The following SCUBE1 variants were observed in gnomAD, a reference collection of about 807,000 sequenced individuals.
SCUBE1 encodes signal peptide, CUB and EGF-like domain-containing protein 1.
In SCUBE1, 59 loss-of-function variants were observed where a neutral mutation model predicts 124.4. That is an observed-to-expected ratio of 0.47 (90% CI 0.38 to 0.59). The LOEUF (loss-of-function observed/expected upper bound fraction) is 0.59, where lower values mean the gene tolerates loss of function less well. Ranked by LOEUF, SCUBE1 falls within the 20% of genes least tolerant of loss-of-function variation. SCUBE1 has a pLI of 0.00. For synonymous variants in SCUBE1, 545 were observed against 550.9 expected, an observed-to-expected ratio of 0.99 and a Z score of 0.15; for missense variants, 1,150 against 1,371.2, an observed-to-expected ratio of 0.84 and a Z score of 2.55.
At chr22:43,339,283 G>A in intron 1 of SCUBE1, 48 bp from the exon 2 acceptor site, 1 of 1,595,308 alleles carries the variant, frequency 6.3e-7, no homozygotes. Context: ...GTGGCCCCAG[G>A]GCAGGTGGCC....
At chr22:43,256,542 AG>A (rs1421955390) in intron 6 of SCUBE1, among the ~76,000 whole-genome samples, 1 of 151,914 alleles carries the variant, frequency 6.6e-6, no homozygotes, top group Non-Finnish European at 1.5e-5. Context: ...ATGAGAGGGG[AG>A]GGAAGGTGGG....
chr22:43,259,414 G>T (rs989372212), intron 5 of SCUBE1, among the ~76,000 whole-genome samples: 2 of 152,196 alleles, frequency 1.3e-5, no homozygotes, highest in African/African-American at 4.8e-5. Context: ...GACCAACTAT[G>T]GTTAGAAGGG....
intron 7 of SCUBE1, among the ~76,000 whole-genome samples, chr22:43,232,897 G>A (rs1469878913): frequency 6.6e-6 from 1 of 152,162 alleles, no homozygotes; most frequent in African/African-American, 2.4e-5. Flanking sequence ...TGCCATTAGA[G>A]GTCCCTGTCC....
At chr22:43,298,611 T>C (rs1237156897) in intron 3 of SCUBE1, among the ~76,000 whole-genome samples, 1 of 152,208 alleles carries the variant, frequency 6.6e-6, no homozygotes, top group Non-Finnish European at 1.5e-5. Context: ...TGCCGCCCCC[T>C]GCTGTGCATC....
chr22:43,247,751 G>A (rs1353698883), intron 6 of SCUBE1, among the ~76,000 whole-genome samples: 1 of 152,252 alleles, frequency 6.6e-6, no homozygotes, highest in Non-Finnish European at 1.5e-5. Flanking sequence ...GTGAGAGGGA[G>A]CCAGCGGGCA....
At chr22:43,220,350 G>T in intron 14 of SCUBE1, 100 bp downstream of exon 14, 2 of 1,346,006 alleles carry the variant, frequency 1.5e-6, no homozygotes, top group Non-Finnish European at 2.1e-6. Flanking sequence ...CTGTGCTCTG[G>T]TGGGAGCCTA....
At position 43,339,556 on chromosome 22, in the gene SCUBE1, G is replaced by A. The variant is rs962740642; in HGVS notation, c.89-321C>T. ...ACAGTGAGGAAGAACCTCCTCCTCC[G>A]TCTGTCCTACTCCCCCAACAAGCAT... On this transcript the variant is annotated intron_variant, in intron 1 of 21. Transcript: ENST00000360835. 4.0e-5 allele frequency among the ~76,000 whole-genome samples: 6 copies of A among 151,426 alleles called. No individual in the cohort carries two copies. In the East Asian group the frequency reaches 5.8e-4, roughly 15 times the overall value.
At chr22:43,256,814 C>T (rs988115835) in intron 6 of SCUBE1, among the ~76,000 whole-genome samples, 2 of 152,106 alleles carry the variant, frequency 1.3e-5, no homozygotes, top group East Asian at 1.9e-4. Flanking sequence ...AGCCCCAGGC[C>T]GGACAGTGGA....
chr22:43,211,732 C>T lies in SCUBE1; in HGVS notation c.2222-649G>A, dbSNP rs899043957. Among the ~76,000 whole-genome samples the T allele has an allele frequency of 8.5e-5, 13 of 152,082 alleles. No homozygotes were observed. Among genetic ancestry groups the T allele is most frequent in the Non-Finnish European group, 1.6e-4 (11 of 68,008 alleles). On this transcript the variant is annotated intron_variant, in intron 17 of 21. Coordinates refer to ENST00000360835, the MANE Select transcript of SCUBE1 (RefSeq NM_173050.5). The surrounding 1 kb of genome is among the most constrained non-coding windows in gnomAD (Gnocchi z 4.5). ...AGAGACAGGGTTTTGCCATGCTAGC[C>T]GGGCTGGCCTCAAACTTCTGACCTC... is the stretch of plus-strand genomic sequence containing the variant.
intron 5 of SCUBE1, among the ~76,000 whole-genome samples, chr22:43,261,463 G>C (rs1434043592): frequency 1.3e-5 from 2 of 152,218 alleles, no homozygotes; most frequent in African/African-American, 2.4e-5. Context: ...TCTGGTACAC[G>C]TGGGTCCCCA....
chr22:43,308,213 A>AT (rs1401270728), intron 3 of SCUBE1, among the ~76,000 whole-genome samples: 1 of 152,200 alleles, frequency 6.6e-6, no homozygotes, highest in Non-Finnish European at 1.5e-5. Flanking sequence ...TTTCTTTCAG[A>AT]TTAACAGCTG....
intron 2 of SCUBE1, among the ~76,000 whole-genome samples, chr22:43,321,077 G>A (rs183791187): frequency 1.3e-3 from 199 of 152,336 alleles, no homozygotes; most frequent in Middle Eastern, 6.8e-3. Flanking sequence ...GAGGAGGGCC[G>A]GAAGTGTCCC....
At chr22:43,248,882 C>T (rs1923325145) in intron 6 of SCUBE1, among the ~76,000 whole-genome samples, 1 of 152,216 alleles carries the variant, frequency 6.6e-6, no homozygotes, top group Admixed American at 6.5e-5. Context: ...TCCCCGGGCA[C>T]CTCCTCCAGG....
At chr22:43,292,806 C>T (rs532569076) in intron 3 of SCUBE1, among the ~76,000 whole-genome samples, 3 of 152,156 alleles carry the variant, frequency 2.0e-5, no homozygotes, top group South Asian at 2.1e-4. Flanking sequence ...CCTTTGAGGC[C>T]GACAGCGAGG....
At chr22:43,279,854 C>T (rs1395032028) in intron 4 of SCUBE1, among the ~76,000 whole-genome samples, 13 of 152,168 alleles carry the variant, frequency 8.5e-5, no homozygotes, top group Non-Finnish European at 1.5e-5. Context: ...AATGCAGAGG[C>T]TTGGACATGT....
rs1008962000 is a variant in SCUBE1, at chr22:43,216,706, C to T, written c.1891+1549G>A. On this transcript the variant is annotated intron_variant, in intron 15 of 21. Coordinates refer to ENST00000360835, the MANE Select transcript of SCUBE1 (RefSeq NM_173050.5). ...AGTAGAAGATGACATCACCAAGCTC[C>T]CTTTGTCCCCCCTTGTCAGTACGGC... Among the ~76,000 whole-genome samples, 15 of 152,022 alleles carry T rather than the reference C, an allele frequency of 9.9e-5. No individual in the cohort carries two copies. The South Asian group carries it at 2.5e-3, about 25-fold the overall frequency.
rs1454952233 is a variant in SCUBE1 at position 43,255,645 on chromosome 22, ACAGT to A, written c.727+2570_727+2573del. On this transcript the variant is annotated intron_variant, in intron 6 of 21. Coordinates refer to ENST00000360835, the MANE Select transcript of SCUBE1 (RefSeq NM_173050.5). This position sits in a 1 kb window ranked among gnomAD's most constrained non-coding sequence, Gnocchi z 4.7. ...GACAGCCCACTTCCCGCGGCCCAAG[ACAGT>A]CAGCCTCTCGGCGTGGCGCACGCAA... The A allele has an allele frequency of 1.6e-5, 22 of 1,354,734 alleles. No individual in the cohort carries two copies. Among genetic ancestry groups the A allele is most frequent in the African/African-American group, 5.8e-5 (4 of 69,252 alleles). 83.9% of individuals were successfully genotyped at this position (1,354,734 alleles called of 1,614,324 possible).
chr22:43,343,054 A>AGGGGGCGC (rs1927382147), intron 1 of SCUBE1, 120 bp downstream of exon 1: 1 of 310,156 alleles, frequency 3.2e-6, no homozygotes, highest in African/African-American at 2.3e-5. Context: ...GCAAAGAGGC[A>AGGGGGCGC]GGGGGCGCGG....
At position 43,201,877 on chromosome 22, in the gene SCUBE1, C is replaced by T. The variant is rs375248915; in HGVS notation, c.*2120G>A. Reference sequence around the variant, plus strand: ...CAGGAGCTGTTGCTGCAGGCTCACTCGGCAGGATGCTCGCCTCTCATCTTG... The same window carrying T: ...CAGGAGCTGTTGCTGCAGGCTCACTTGGCAGGATGCTCGCCTCTCATCTTG... On this transcript the variant is annotated 3_prime_UTR_variant, in exon 22 of 22. Transcript: ENST00000360835. The T allele has an allele frequency of 3.6e-4, 55 of 152,358 alleles. 2 individuals are homozygous for T. In the South Asian group the frequency reaches 9.7e-3, roughly 27 times the overall value. The allele number at this position is 152,358 out of a possible 1,614,324, so 9.4% of individuals were successfully genotyped here. A position where few individuals can be genotyped will look rare whatever the true frequency, so the allele number is the denominator to read the frequency against.
Sources: allele counts gnomAD v4.1 joint callset (sites outside exome capture counted in the v4.1 genomes callset), GRCh38; gene constraint gnomAD v4.1.1; non-coding constraint Gnocchi (gnomAD v3.1); transcripts MANE v1.5; gene names NCBI Gene and HGNC (gene_info 2026-07-23, HGNC 2026-07-21).